The following TRIT1 variants were observed in gnomAD, a reference collection of about 807,000 sequenced individuals.
TRIT1 encodes the protein tRNA dimethylallyltransferase.
In TRIT1, 43 loss-of-function variants were observed where a neutral mutation model predicts 51.2. The ratio of observed to expected loss-of-function variants is 0.84; its 90% confidence interval spans 0.66 to 1.08. The LOEUF (loss-of-function observed/expected upper bound fraction) is 1.08. Ranked by LOEUF, TRIT1 falls within the 50% of genes least tolerant of loss-of-function variation. The pLI is 0.00. For missense variants in TRIT1, 528 were observed against 578.4 expected, an observed-to-expected ratio of 0.91 and a Z score of 0.89; for synonymous variants, 184 against 203.9, an observed-to-expected ratio of 0.90 and a Z score of 0.83.
rs1310076214 is a variant in TRIT1, at chr1:39,840,067, T to C, written c.*1677A>G. On this transcript the variant is annotated 3_prime_UTR_variant, in exon 11 of 11. Transcript: ENST00000316891. ...CATTGCTGAGCCTTAGTTTCCTCCC[T>C]GGTTAACAGCAAAGGAAACAGCATC... 6.6e-6 allele frequency among the ~76,000 whole-genome samples: 1 copy of C among 152,158 alleles called. No individual in the cohort carries two copies. The highest frequency in any genetic ancestry group is 1.5e-5 in the Non-Finnish European group (1 of 68,028).
At chr1:39,882,689 C>T (rs1644301232) in intron 1 of TRIT1, among the ~76,000 whole-genome samples, 1 of 152,266 alleles carries the variant, frequency 6.6e-6, no homozygotes, top group Non-Finnish European at 1.5e-5. Context: ...CGTTCTAACG[C>T]TCATGATCCC....
At chr1:39,843,232 T>G (rs149745070) in intron 10 of TRIT1, among the ~76,000 whole-genome samples, 1 of 152,322 alleles carries the variant, frequency 6.6e-6, no homozygotes, top group East Asian at 1.9e-4. Flanking sequence ...GAGAAAAATC[T>G]ACTTCTCTGA....
chr1:39,844,512 T>C lies in TRIT1; in HGVS notation c.1116+19A>G. Reference sequence around the variant, plus strand: ...GCTCTGAAAACCAGAAAATAGAATGTATCATGATTCATAATTACCTGGATG... The same window carrying C: ...GCTCTGAAAACCAGAAAATAGAATGCATCATGATTCATAATTACCTGGATG... On this transcript the variant is annotated intron_variant, in intron 9 of 10. Coordinates refer to ENST00000316891, the MANE Select transcript of TRIT1 (RefSeq NM_017646.6). 1 of 1,583,242 alleles carries C rather than the reference T, an allele frequency of 6.3e-7. No individual in the cohort carries two copies. The highest frequency in any genetic ancestry group is 8.7e-7 in the Non-Finnish European group (1 of 1,151,862).
chr1:39,839,461 C>T lies in TRIT1; in HGVS notation c.*2283G>A, dbSNP rs1055683046. 3.9e-5 allele frequency among the ~76,000 whole-genome samples: 6 copies of T among 152,174 alleles called. No homozygotes were observed. Among genetic ancestry groups the T allele is most frequent in the Non-Finnish European group, 5.9e-5 (4 of 68,036 alleles). On this transcript the variant is annotated 3_prime_UTR_variant, in exon 11 of 11. Coordinates refer to ENST00000316891, the MANE Select transcript of TRIT1 (RefSeq NM_017646.6). ...AAGAATTCTTTCATCTCTACATTTA[C>T]GACCACCACAAGACAAATTACTTTC...
intron 4 of TRIT1, 69 bp downstream of exon 4, chr1:39,852,662 G>T: frequency 6.4e-7 from 1 of 1,550,732 alleles, no homozygotes; most frequent in Non-Finnish European, 8.7e-7. Context: ...TCATCATCTG[G>T]GCAAACTGAA....
intron 1 of TRIT1, among the ~76,000 whole-genome samples, chr1:39,867,008 G>C (rs1643594719): frequency 6.6e-6 from 1 of 152,100 alleles, no homozygotes; most frequent in South Asian, 2.1e-4. Flanking sequence ...AAAAGCAGGA[G>C]AATCTGTGCC....
intron 3 of TRIT1, among the ~76,000 whole-genome samples, 175 bp from the exon 4 acceptor site, chr1:39,853,051 A>C (rs1642678325): frequency 1.3e-5 from 2 of 152,234 alleles, no homozygotes; most frequent in South Asian, 4.1e-4. Context: ...AGGCCACAGC[A>C]AACAAAAAAG....
At chr1:39,849,006 C>CT (rs986957883) in intron 5 of TRIT1, among the ~76,000 whole-genome samples, 1 of 151,806 alleles carries the variant, frequency 6.6e-6, no homozygotes, top group Non-Finnish European at 1.5e-5. Context: ...GAAAAATTAC[C>CT]TTTTTTATCA....
chr1:39,844,009 C>A (rs1569959538), intron 10 of TRIT1, 92 bp downstream of exon 10: 1 of 844,556 alleles, frequency 1.2e-6, no homozygotes, highest in South Asian at 1.7e-5. Flanking sequence ...AATAAATAGA[C>A]TCCAGGTTCA....
chr1:39,850,896 C>T (rs1642522945), intron 4 of TRIT1, among the ~76,000 whole-genome samples: 1 of 152,196 alleles, frequency 6.6e-6, no homozygotes, highest in South Asian at 2.1e-4. Context: ...CCTGGCTAAT[C>T]CAGTGCTCTA....
rs1174294081 is a variant in TRIT1, at chr1:39,841,001, GTGTATAAACTAGGC to G, written c.*729_*742del. ...TATCACATTGATAACAGAGCATACT[GTGTATAAACTAGGC>G]ATGGACTTGTATATCTTTTTAAGGA... On this transcript the variant is annotated 3_prime_UTR_variant, in exon 11 of 11. Transcript: ENST00000316891. The G allele has an allele frequency of 6.6e-6, 1 of 152,228 alleles. No individual in the cohort carries two copies. The highest frequency in any genetic ancestry group is 1.5e-5 in the Non-Finnish European group (1 of 68,044). The allele number at this position is 152,228 out of a possible 1,614,324, so 9.4% of individuals were successfully genotyped here. A position where few individuals can be genotyped will look rare whatever the true frequency, so the allele number is the denominator to read the frequency against.
intron 1 of TRIT1, among the ~76,000 whole-genome samples, chr1:39,871,092 C>CT (rs886387112): frequency 6.6e-6 from 1 of 152,106 alleles, no homozygotes; most frequent in Admixed American, 6.6e-5. Flanking sequence ...ATTCGGGAGG[C>CT]TGAGGCAGGA....
chr1:39,840,749 T>C lies in TRIT1; in HGVS notation c.*995A>G, dbSNP rs1192594848. On this transcript the variant is annotated 3_prime_UTR_variant, in exon 11 of 11. Transcript: ENST00000316891. ...TGTGAATGTAGTTAATGCTGCTGAA[T>C]TATACCCTAAAAATGCTATATTTGA... Among the ~76,000 whole-genome samples, 3 of 152,224 alleles carry C rather than the reference T, an allele frequency of 2.0e-5. No homozygotes were observed. Among genetic ancestry groups the C allele is most frequent in the African/African-American group, 7.2e-5 (3 of 41,456 alleles).
Position 39,883,410 on chromosome 1 carries a change from T to C in TRIT1, c.82A>G (p.Ile28Val), listed in dbSNP as rs1168705777. The C allele has an allele frequency of 6.2e-7, 1 of 1,613,844 alleles. No homozygotes were observed. The highest frequency in any genetic ancestry group is 1.1e-5 in the South Asian group (1 of 91,066). Residue 28 changes from isoleucine to valine, a missense_variant, in exon 1 of 11, where the codon ATT becomes GTT. Around this residue, in one of 3 missense-constraint regions of TRIT1, gnomAD observed 55 missense variants for 37.0 expected, o/e 1.49. Coordinates refer to ENST00000316891, the MANE Select transcript of TRIT1 (RefSeq NM_017646.6). ...TTGCCGGTGCCCGTGGCCCCGAGAA[T>C]CACTACAAGAGGTAGGGTCCGTTGC... ...GLQRTLPLVV[I>V]LGATGTGKST...
At chr1:39,865,767 T>C (rs1219092246) in intron 1 of TRIT1, among the ~76,000 whole-genome samples, 1 of 151,490 alleles carries the variant, frequency 6.6e-6, no homozygotes, top group Non-Finnish European at 1.5e-5. Flanking sequence ...GGAGGGTCAT[T>C]TGAGCCCAAG....
In TRIT1 at chr1:39,844,514, T is replaced by C. The variant is rs1167105693; in HGVS notation, c.1116+17A>G. On this transcript the variant is annotated intron_variant, in intron 9 of 10. Coordinates refer to ENST00000316891, the MANE Select transcript of TRIT1 (RefSeq NM_017646.6). ...TCTGAAAACCAGAAAATAGAATGTA[T>C]CATGATTCATAATTACCTGGATGAA... 1 of 1,591,014 alleles carries C rather than the reference T, an allele frequency of 6.3e-7. No individual in the cohort carries two copies. The highest frequency in any genetic ancestry group is 8.6e-7 in the Non-Finnish European group (1 of 1,158,906).
rs377238815 is a variant in TRIT1, at chr1:39,871,340, C to T, written c.174+11978G>A. On this transcript the variant is annotated intron_variant, in intron 1 of 10. Transcript: ENST00000316891. The stretch of plus-strand genomic sequence containing the variant: ...AGGTGCAGTGGCTCACGCCTATAAT[C>T]GGAGCCTGAGGCAGGTGGATTGCTT... 7.9e-5 allele frequency among the ~76,000 whole-genome samples: 12 copies of T among 152,314 alleles called. No individual in the cohort carries two copies. The South Asian group carries it at 1.7e-3, about 21-fold the overall frequency.
intron 1 of TRIT1, among the ~76,000 whole-genome samples, chr1:39,882,957 A>C (rs1044419988): frequency 3.3e-5 from 5 of 152,252 alleles, no homozygotes; most frequent in Non-Finnish European, 7.3e-5. Flanking sequence ...ATTTTTATTC[A>C]AAAGATATTT....
In TRIT1 at chr1:39,854,025, C is replaced by G. The variant is rs1642748683; in HGVS notation, c.359G>C (p.Gly120Ala). 1.2e-6 allele frequency: 2 copies of G among 1,612,878 alleles called. No individual in the cohort carries two copies. Among genetic ancestry groups the G allele is most frequent in the African/African-American group, 2.7e-5 (2 of 74,842 alleles). ...FARDKIPIVV[G>A]GTNYYIESLL... Reference sequence around the variant, plus strand: ...AGATTCAATGTAATAATTGGTTCCTCCCACAACAATAGGAATTTTGTCTCG... The same window carrying G: ...AGATTCAATGTAATAATTGGTTCCTGCCACAACAATAGGAATTTTGTCTCG... Residue 120 changes from glycine to alanine, a missense_variant, in exon 3 of 11, where the codon GGA (glycine) becomes GCA (alanine). Transcript: ENST00000316891.
Sources: allele counts gnomAD v4.1 joint callset (sites outside exome capture counted in the v4.1 genomes callset), GRCh38; gene constraint gnomAD v4.1.1; regional missense constraint gnomAD v4.1.1; transcripts MANE v1.5; gene names NCBI Gene and HGNC (gene_info 2026-07-23, HGNC 2026-07-21).